Variants in NCALD observed in about 807,000 individuals in gnomAD.
The protein encoded by NCALD is neurocalcin-delta.
A neutral mutation model predicts 18.6 loss-of-function variants in NCALD; 10 were observed. The observed-to-expected ratio is 0.54, with a 90% CI of 0.33 to 0.91. NCALD has a LOEUF of 0.91. NCALD is among the 40% of genes least tolerant of loss of function. The pLI is 0.03. For synonymous variants in NCALD, 88 were observed against 87.4 expected, an observed-to-expected ratio of 1.01 and a Z score of -0.04; for missense variants, 184 against 247.6, an observed-to-expected ratio of 0.74 and a Z score of 1.72.
intron 3 of NCALD, among the ~76,000 whole-genome samples, chr8:101,890,767 C>G (rs1200138233): frequency 6.6e-6 from 1 of 152,134 alleles, no homozygotes; most frequent in Non-Finnish European, 1.5e-5. Context: ...TATAAATTAC[C>G]CAGTCTCAGG....
At chr8:101,944,024 T>C (rs1409360086) in intron 2 of NCALD, among the ~76,000 whole-genome samples, 1 of 152,152 alleles carries the variant, frequency 6.6e-6, no homozygotes, top group Non-Finnish European at 1.5e-5. Flanking sequence ...CTGCTTACTC[T>C]AATAGTAAGC....
At chr8:101,846,217 T>TTTCTATTTTTAG (rs368521462) in intron 4 of NCALD, among the ~76,000 whole-genome samples, 13 of 152,210 alleles carry the variant, frequency 8.5e-5, no homozygotes, top group Middle Eastern at 3.2e-3. Context: ...TGGTATTATA[T>TTTCTATTTTTAG]TTCTATTTTT....
intron 2 of NCALD, among the ~76,000 whole-genome samples, chr8:102,004,559 C>G (rs1477679435): frequency 2.0e-5 from 3 of 152,116 alleles, no homozygotes; most frequent in African/African-American, 7.2e-5. Context: ...CAAAAAAGAG[C>G]CCGCATCGCC....
chr8:101,781,708 AT>A lies in NCALD; in HGVS notation c.-20+9153del, dbSNP rs563298641. On this transcript the variant is annotated intron_variant, in intron 1 of 3. Transcript: ENST00000220931. ...CTAATCTGTGTGCTACTAGAGTGAA[AT>A]TATCATCAATATCAACGCATTACTC... Among the ~76,000 whole-genome samples, 199 of 152,308 alleles carry A rather than the reference AT, an allele frequency of 1.3e-3. 1 individual carries two copies. Among genetic ancestry groups the A allele is most frequent in the African/African-American group, 4.2e-3 (175 of 41,574 alleles).
At chr8:101,943,169 G>A (rs567003810) in intron 2 of NCALD, among the ~76,000 whole-genome samples, 55 of 152,160 alleles carry the variant, frequency 3.6e-4, no homozygotes, top group African/African-American at 1.2e-3. Context: ...TGGGGTTGCC[G>A]CACTCACTGC....
At chr8:101,984,667 A>C (rs1363565392) in intron 2 of NCALD, among the ~76,000 whole-genome samples, 1 of 152,200 alleles carries the variant, frequency 6.6e-6, no homozygotes, top group East Asian at 1.9e-4. Flanking sequence ...AGAGCTACCA[A>C]ATGTAACCTT....
At chr8:102,014,461 T>A (rs565934521) in intron 2 of NCALD, among the ~76,000 whole-genome samples, 36 of 152,178 alleles carry the variant, frequency 2.4e-4, no homozygotes, top group African/African-American at 7.5e-4. Context: ...CTGGGGGGTA[T>A]ACAAATGTTC....
chr8:101,903,385 T>G (rs183847689), intron 3 of NCALD, among the ~76,000 whole-genome samples: 2 of 152,066 alleles, frequency 1.3e-5, no homozygotes, highest in East Asian at 3.9e-4. Flanking sequence ...TTAGTAGAGA[T>G]GGAGTTTCAC....
At chr8:101,987,940 G>A (rs1484611262) in intron 2 of NCALD, among the ~76,000 whole-genome samples, 1 of 152,128 alleles carries the variant, frequency 6.6e-6, no homozygotes, top group Non-Finnish European at 1.5e-5. Flanking sequence ...GGATCACGAG[G>A]TCAGGAGATC....
At chr8:102,037,599 G>A (rs1196888043) in intron 1 of NCALD, among the ~76,000 whole-genome samples, 1 of 152,040 alleles carries the variant, frequency 6.6e-6, no homozygotes, top group African/African-American at 2.4e-5. Context: ...TCTAGGTGTT[G>A]AGATTAAGGG....
In NCALD at chr8:102,043,375, A is replaced by C. The variant is rs976163090; in HGVS notation, c.-209-23086T>G. Among the ~76,000 whole-genome samples the C allele has an allele frequency of 7.9e-5, 12 of 151,736 alleles. 1 individual carries two copies. The highest frequency in any genetic ancestry group is 2.9e-4 in the African/African-American group (12 of 41,114). ...TGGTGTTCTTCCTGCTGCCTTCTGT[A>C]ATTGTTTCCATAGAGTTGACGGCTC... On this transcript the variant is annotated intron_variant, in intron 1 of 6. Transcript: ENST00000311028.
chr8:101,720,302 A>G (rs2130452261), intron 1 of NCALD, among the ~76,000 whole-genome samples: 1 of 152,352 alleles, frequency 6.6e-6, no homozygotes, highest in South Asian at 2.1e-4. Flanking sequence ...ATGCTTCATA[A>G]AGTTATGTCA....
At chr8:101,751,547 G>C (rs1192800779) in intron 1 of NCALD, among the ~76,000 whole-genome samples, 1 of 152,116 alleles carries the variant, frequency 6.6e-6, no homozygotes, top group African/African-American at 2.4e-5. Flanking sequence ...GGAAGGAAAG[G>C]AGGGAGGGAA....
At chr8:101,769,013 G>T (rs1811471356) in intron 1 of NCALD, among the ~76,000 whole-genome samples, 1 of 152,154 alleles carries the variant, frequency 6.6e-6, no homozygotes, top group Non-Finnish European at 1.5e-5. Flanking sequence ...GAGCTTTGGA[G>T]TCAGAGGTGA....
intron 4 of NCALD, among the ~76,000 whole-genome samples, chr8:101,858,729 C>T (rs967381157): frequency 5.9e-5 from 9 of 152,102 alleles, no homozygotes; most frequent in Non-Finnish European, 1.2e-4. Flanking sequence ...ACAAAATGAA[C>T]AAGTGTCTGG....
intron 1 of NCALD, among the ~76,000 whole-genome samples, chr8:101,772,908 G>A (rs1442729836): frequency 2.6e-5 from 4 of 152,160 alleles, no homozygotes; most frequent in African/African-American, 9.7e-5. Context: ...AGAATTTAAT[G>A]GTGATCCAGT....
chr8:101,839,416 T>C (rs1163115667), intron 4 of NCALD, among the ~76,000 whole-genome samples: 2 of 152,006 alleles, frequency 1.3e-5, no homozygotes, highest in African/African-American at 4.8e-5. Flanking sequence ...CTCCTTAAAG[T>C]CATACTAAGA....
chr8:101,760,463 T>C (rs1033015375), intron 1 of NCALD, among the ~76,000 whole-genome samples: 1 of 152,134 alleles, frequency 6.6e-6, no homozygotes, highest in African/African-American at 2.4e-5. Flanking sequence ...CCTCCATTCA[T>C]CCTAAAGTAA....
chr8:101,956,731 C>T (rs1819641761), intron 2 of NCALD, among the ~76,000 whole-genome samples: 1 of 151,904 alleles, frequency 6.6e-6, no homozygotes, highest in Admixed American at 6.6e-5. Flanking sequence ...GGTAAAAGTC[C>T]CCTACATAAC....
Sources: allele counts gnomAD v4.1 joint callset (sites outside exome capture counted in the v4.1 genomes callset), GRCh38; gene constraint gnomAD v4.1.1; transcripts MANE v1.5; gene names NCBI Gene and HGNC (gene_info 2026-07-23, HGNC 2026-07-21).